The following RBFOX1 variants were observed in gnomAD, a reference collection of about 807,000 sequenced individuals.
RBFOX1 encodes RNA binding fox-1 homolog 1.
Under a neutral mutation model 57.7 loss-of-function variants are expected in RBFOX1, and 8 were observed. That is an observed-to-expected ratio of 0.14 (90% CI 0.08 to 0.25). The LOEUF is 0.25. Ranked by LOEUF, RBFOX1 falls within the 10% of genes least tolerant of loss-of-function variation. RBFOX1 has a pLI of 1.00. For synonymous variants in RBFOX1, 326 were observed against 222.4 expected (o/e 1.47, Z -4.15); for missense variants, 611 against 548.5 (o/e 1.11, Z -1.14).
intron 3 of RBFOX1, among the ~76,000 whole-genome samples, chr16:6,969,951 A>G (rs1218045917): frequency 6.7e-6 from 1 of 148,694 alleles, no homozygotes; most frequent in Non-Finnish European, 1.5e-5. Context: ...ATGTCACACA[A>G]TAAGGACACG....
intron 5 of RBFOX1, among the ~76,000 whole-genome samples, chr16:7,578,203 T>C (rs1468495199): frequency 3.9e-5 from 6 of 152,238 alleles, no homozygotes; most frequent in African/African-American, 1.4e-4. Flanking sequence ...TTAGCACACA[T>C]TAATCAATCA....
chr16:6,270,675 G>A (rs1325995759), intron 1 of RBFOX1, among the ~76,000 whole-genome samples: 1 of 152,084 alleles, frequency 6.6e-6, no homozygotes, highest in Non-Finnish European at 1.5e-5. Context: ...AGGAAAACTA[G>A]ACTGAAAATC....
intron 14 of RBFOX1, among the ~76,000 whole-genome samples, chr16:7,680,063 A>G (rs1359874054): frequency 6.6e-6 from 1 of 152,178 alleles, no homozygotes; most frequent in Non-Finnish European, 1.5e-5. Context: ...AGCATGGCAG[A>G]GGGGCCTTTG....
intron 1 of RBFOX1, among the ~76,000 whole-genome samples, chr16:5,432,838 T>A (rs960240583): frequency 5.3e-5 from 8 of 152,026 alleles, no homozygotes; most frequent in African/African-American, 1.7e-4. Flanking sequence ...TGGGTTGGAG[T>A]GCAGTGGCGC....
intron 4 of RBFOX1, among the ~76,000 whole-genome samples, chr16:7,306,552 T>C (rs1020183171): frequency 1.3e-5 from 2 of 148,520 alleles, no homozygotes; most frequent in African/African-American, 2.5e-5. Context: ...TATAATGTGA[T>C]ACTATGACAT....
At chr16:7,573,834 C>CAAAA (rs3842359) in intron 5 of RBFOX1, among the ~76,000 whole-genome samples, 1 of 145,132 alleles carries the variant, frequency 6.9e-6, no homozygotes. Flanking sequence ...GACTCTGTCT[C>CAAAA]AAAAAAAAAA....
intron 1 of RBFOX1, among the ~76,000 whole-genome samples, chr16:5,274,722 G>T (rs1596363113): frequency 6.6e-6 from 1 of 152,194 alleles, no homozygotes; most frequent in Admixed American, 6.5e-5. Context: ...TATGGCCGCA[G>T]GAGCCACCTC....
intron 3 of RBFOX1, among the ~76,000 whole-genome samples, chr16:5,755,850 G>A (rs1471385753): frequency 6.6e-6 from 1 of 152,026 alleles, no homozygotes; most frequent in South Asian, 2.1e-4. Context: ...CGCCTGCCTC[G>A]GCCTCCCAAA....
chr16:6,951,718 C>G (rs1326817455), intron 3 of RBFOX1, among the ~76,000 whole-genome samples: 3 of 152,122 alleles, frequency 2.0e-5, no homozygotes, highest in African/African-American at 7.2e-5. Context: ...CAAGGAGAGA[C>G]TCCACACTTC....
At chr16:6,968,903 CATA>C (rs1472468139) in intron 3 of RBFOX1, among the ~76,000 whole-genome samples, 1 of 151,844 alleles carries the variant, frequency 6.6e-6, no homozygotes, top group Admixed American at 6.6e-5. Flanking sequence ...TCAGGATTCA[CATA>C]ATAAGCTCAT....
intron 4 of RBFOX1, among the ~76,000 whole-genome samples, chr16:7,190,427 A>G (rs764912487): frequency 2.0e-5 from 3 of 152,196 alleles, no homozygotes; most frequent in East Asian, 3.8e-4. Context: ...GTCAGCCTTT[A>G]CAAGCATTGA....
intron 4 of RBFOX1, among the ~76,000 whole-genome samples, chr16:7,111,256 G>T (rs919389219): frequency 6.6e-6 from 1 of 152,124 alleles, no homozygotes; most frequent in Non-Finnish European, 1.5e-5. Context: ...AACTTACACC[G>T]TAAAAGTGAA....
intron 4 of RBFOX1, among the ~76,000 whole-genome samples, chr16:5,870,111 A>G (rs191403187): frequency 1.3e-5 from 2 of 150,226 alleles, no homozygotes; most frequent in Admixed American, 1.3e-4. Context: ...ATATGTACAT[A>G]TACACACCTA....
intron 2 of RBFOX1, among the ~76,000 whole-genome samples, chr16:6,475,179 G>C (rs1436462082): frequency 6.6e-6 from 1 of 152,128 alleles, no homozygotes; most frequent in East Asian, 1.9e-4. Flanking sequence ...GGTGCTTTTT[G>C]AAATTTCCTA....
intron 2 of RBFOX1, among the ~76,000 whole-genome samples, chr16:6,346,819 T>C (rs1188847272): frequency 1.3e-5 from 2 of 152,168 alleles, no homozygotes; most frequent in African/African-American, 4.8e-5. Context: ...AAACGCTGGA[T>C]CTCTCATATA....
At chr16:7,180,725 A>C (rs948378767) in intron 4 of RBFOX1, among the ~76,000 whole-genome samples, 1 of 152,056 alleles carries the variant, frequency 6.6e-6, no homozygotes, top group Non-Finnish European at 1.5e-5. Context: ...AAAAAAAAAA[A>C]AAAACCTGCC....
intron 3 of RBFOX1, among the ~76,000 whole-genome samples, chr16:5,837,546 T>G (rs1177118852): frequency 6.6e-6 from 1 of 151,444 alleles, no homozygotes; most frequent in Non-Finnish European, 1.5e-5. Context: ...CAGTCCCTTG[T>G]GTTGGGGCAG....
chr16:5,277,131 A>G (rs2063161259), intron 1 of RBFOX1, among the ~76,000 whole-genome samples: 1 of 152,204 alleles, frequency 6.6e-6, no homozygotes, highest in Non-Finnish European at 1.5e-5. Flanking sequence ...TAGCCTTAAA[A>G]AGGAATGAAA....
intron 4 of RBFOX1, among the ~76,000 whole-genome samples, chr16:7,496,231 T>C (rs192535899): frequency 6.6e-6 from 1 of 152,240 alleles, no homozygotes; most frequent in Non-Finnish European, 1.5e-5. Flanking sequence ...GCAACCTCCA[T>C]CTCCCAGTTC....
Sources: gnomAD v4.1 joint callset for allele counts (sites outside exome capture counted in the v4.1 genomes callset) on GRCh38, gnomAD v4.1.1 for gene constraint, MANE v1.5 for transcripts, NCBI Gene and HGNC (gene_info 2026-07-23, HGNC 2026-07-21) for gene names.